Variants in CREB5 observed in about 807,000 individuals in gnomAD.
CREB5 encodes the protein cAMP responsive element binding protein 5.
In CREB5, 19 loss-of-function variants were observed where a neutral mutation model predicts 57.1. The observed-to-expected ratio is 0.33, with a 90% CI of 0.23 to 0.49. CREB5 has a LOEUF of 0.49. Among genes scored for constraint, CREB5 ranks in the 20% least tolerant of loss-of-function variants. The pLI, the probability that CREB5 is intolerant of heterozygous loss-of-function variation, is 0.99. For synonymous variants in CREB5, 238 were observed against 238.3 expected (o/e 1.00, Z 0.01); for missense variants, 579 against 671.6 (o/e 0.86, Z 1.52).
At chr7:28,540,586 G>C (rs1794165907) in intron 4 of CREB5, among the ~76,000 whole-genome samples, 1 of 152,100 alleles carries the variant, frequency 6.6e-6, no homozygotes, top group Non-Finnish European at 1.5e-5. Flanking sequence ...CATTCCATTA[G>C]GTAATTATTG....
chr7:28,643,760 GC>G (rs1200756990), intron 5 of CREB5, among the ~76,000 whole-genome samples: 81 of 74,262 alleles, frequency 1.1e-3, no homozygotes, highest in African/African-American at 3.7e-3. Flanking sequence ...GTGGGGGGGG[GC>G]GGAAGAAAAA....
chr7:28,588,275 T>C (rs180792667), intron 5 of CREB5, among the ~76,000 whole-genome samples: 1 of 152,302 alleles, frequency 6.6e-6, no homozygotes, highest in Admixed American at 6.5e-5. Flanking sequence ...AACAAAACAA[T>C]ATAAGGCCTC....
intron 1 of CREB5, among the ~76,000 whole-genome samples, chr7:28,371,943 C>T (rs1240122547): frequency 6.6e-6 from 1 of 152,080 alleles, no homozygotes; most frequent in Non-Finnish European, 1.5e-5. Context: ...ATTTGAATGG[C>T]CCAGGACTTA....
At chr7:28,356,574 T>C (rs1786349488) in intron 1 of CREB5, among the ~76,000 whole-genome samples, 1 of 152,214 alleles carries the variant, frequency 6.6e-6, no homozygotes, top group Non-Finnish European at 1.5e-5. Flanking sequence ...TCACCTGTTG[T>C]CTTGGTTAGC....
At chr7:28,343,018 G>A (rs1055770374) in intron 1 of CREB5, among the ~76,000 whole-genome samples, 1 of 151,902 alleles carries the variant, frequency 6.6e-6, no homozygotes, top group Admixed American at 6.6e-5. Flanking sequence ...TGGGCTCACT[G>A]CAAGCTCCGC....
At chr7:28,634,610 A>G (rs1798337820) in intron 5 of CREB5, among the ~76,000 whole-genome samples, 1 of 152,044 alleles carries the variant, frequency 6.6e-6, no homozygotes, top group Non-Finnish European at 1.5e-5. Flanking sequence ...TGGGTTGTCA[A>G]AATTGTAATC....
chr7:28,491,186 A>C lies in CREB5; in HGVS notation c.75+2940A>C, dbSNP rs1050138894. On this transcript the variant is annotated intron_variant, in intron 2 of 10. Transcript: ENST00000357727. ...GGAGTGATATAACGGTAGCCTGAGA[A>C]GGAAACAGTTTTTTTAAAAATTAAA... 6.1e-6 allele frequency: 6 copies of C among 985,152 alleles called. No individual in the cohort carries two copies. The African/African-American group carries it at 1.0e-4, about 17-fold the overall frequency. The allele number at this position is 985,152 out of a possible 1,614,324, so 61.0% of individuals were successfully genotyped here. A position where few individuals can be genotyped will look rare whatever the true frequency, so the allele number is the denominator to read the frequency against.
At chr7:28,641,474 GT>G (rs1161718525) in intron 5 of CREB5, among the ~76,000 whole-genome samples, 1 of 152,168 alleles carries the variant, frequency 6.6e-6, no homozygotes, top group Admixed American at 6.5e-5. Context: ...TAGCAACTTT[GT>G]GGTGAGCTAA....
intron 5 of CREB5, among the ~76,000 whole-genome samples, chr7:28,618,587 G>A (rs570555596): frequency 6.6e-6 from 1 of 152,110 alleles, no homozygotes. Flanking sequence ...AATCCTGCGG[G>A]ACCAGTAGGG....
chr7:28,786,951 A>G (rs1807364577), intron 7 of CREB5, among the ~76,000 whole-genome samples: 1 of 152,320 alleles, frequency 6.6e-6, no homozygotes, highest in African/African-American at 2.4e-5. Flanking sequence ...TTGACAGATA[A>G]CAGAATATAG....
intron 1 of CREB5, among the ~76,000 whole-genome samples, chr7:28,457,245 A>G (rs1790134671): frequency 6.6e-6 from 1 of 152,234 alleles, no homozygotes; most frequent in South Asian, 2.1e-4. Context: ...ACAATGGCAT[A>G]TAATTTCAAC....
At chr7:28,635,072 T>G (rs1798362580) in intron 5 of CREB5, among the ~76,000 whole-genome samples, 1 of 152,208 alleles carries the variant, frequency 6.6e-6, no homozygotes, top group Non-Finnish European at 1.5e-5. Context: ...AGGGACTTTT[T>G]TATGTGTTTC....
In CREB5 at chr7:28,560,969, T is replaced by TGTGCGCGTGCGCGTGCGTGCGC. The variant is rs1562798174; in HGVS notation, c.292-9391_292-9390insCGTGCGCGTGCGTGCGCGTGCG. On this transcript the variant is annotated intron_variant, in intron 4 of 10. Coordinates refer to ENST00000357727, the MANE Select transcript of CREB5 (RefSeq NM_182898.4). ...GTGTGTGCGTGTGTGTGCGTGTGTGTGTGCGTGTGTGCGTGCGTGTGTGTG... is the reference window on the plus strand; with the variant it reads ...GTGTGTGCGTGTGTGTGCGTGTGTGTGTGCGCGTGCGCGTGCGTGCGCGTGCGTGTGTGCGTGCGTGTGTGTG... 2.0e-4 allele frequency among the ~76,000 whole-genome samples: 5 copies of TGTGCGCGTGCGCGTGCGTGCGC among 24,974 alleles called. No individual in the cohort carries two copies. The East Asian group carries it at 6.5e-3, about 32-fold the overall frequency. The allele number at this position is 24,974 out of a possible 152,430, so 16.4% of individuals were successfully genotyped here.
chr7:28,573,740 G>C (rs562423257), intron 5 of CREB5, among the ~76,000 whole-genome samples: 2 of 152,316 alleles, frequency 1.3e-5, no homozygotes, highest in African/African-American at 4.8e-5. Context: ...CCAGTTATCA[G>C]GGAGGACTTT....
rs79198346 is a variant in CREB5 at position 28,627,087 on chromosome 7, G to A, written c.464+56550G>A. Reference sequence around the variant, plus strand: ...TCCTCCACCCCATCCATTCTGCTACGCCCCTGGCCTTCTGCCAGGGTGTCT... The same window carrying A: ...TCCTCCACCCCATCCATTCTGCTACACCCCTGGCCTTCTGCCAGGGTGTCT... On this transcript the variant is annotated intron_variant, in intron 5 of 10. Coordinates refer to ENST00000357727, the MANE Select transcript of CREB5 (RefSeq NM_182898.4). Among the ~76,000 whole-genome samples the A allele has an allele frequency of 0.022, 3,287 of 152,250 alleles. 169 individuals carry two copies. In the East Asian group the frequency reaches 0.24, roughly 11 times the overall value.
Position 28,343,656 on chromosome 7 carries a change from G to A in CREB5, c.-25+44215G>A, listed in dbSNP as rs1409255992. ...ACACTTAGGTTGATTTCATATCTTG[G>A]CTATTGCGCAATAAACATGGGCATG... On this transcript the variant is annotated intron_variant, in intron 1 of 9. Transcript: ENST00000396299. Among the ~76,000 whole-genome samples, 6 of 151,916 alleles carry A rather than the reference G, an allele frequency of 3.9e-5. No homozygotes were observed. In the East Asian group the frequency reaches 1.2e-3, roughly 29 times the overall value.
chr7:28,542,584 G>T (rs567754840), intron 4 of CREB5, among the ~76,000 whole-genome samples: 1 of 152,140 alleles, frequency 6.6e-6, no homozygotes, highest in Non-Finnish European at 1.5e-5. Flanking sequence ...GGGTGTGTGT[G>T]TGAGTGTGTG....
At chr7:28,815,313 C>T (rs1205877687) in intron 9 of CREB5, among the ~76,000 whole-genome samples, 4 of 152,110 alleles carry the variant, frequency 2.6e-5, no homozygotes, top group African/African-American at 9.7e-5. Context: ...TTCATATTCA[C>T]ATATATCTTT....
At chr7:28,304,884 G>C (rs1274206643) in intron 1 of CREB5, among the ~76,000 whole-genome samples, 2 of 152,118 alleles carry the variant, frequency 1.3e-5, no homozygotes, top group East Asian at 1.9e-4. Context: ...GAAATGAAAG[G>C]CTGGAAGAAT....
Sources: allele counts gnomAD v4.1 joint callset (sites outside exome capture counted in the v4.1 genomes callset), GRCh38; gene constraint gnomAD v4.1.1; transcripts MANE v1.5; gene names NCBI Gene and HGNC (gene_info 2026-07-23, HGNC 2026-07-21).